The following HCFC1 variants were observed in gnomAD, a reference collection of about 807,000 sequenced individuals.
HCFC1 encodes host cell factor C1.
HCFC1 carries 7 observed loss-of-function variants against 105.5 expected under a neutral mutation model. That is an observed-to-expected ratio of 0.07 (90% confidence interval 0.04 to 0.12). HCFC1 has a LOEUF of 0.12. Among genes scored for constraint, HCFC1 ranks in the 10% least tolerant of loss-of-function variants. HCFC1 has a pLI of 1.00. For missense variants in HCFC1, 1,065 were observed against 1,823.6 expected, an observed-to-expected ratio of 0.58 and a Z score of 7.58; for synonymous variants, 918 against 828.1, an observed-to-expected ratio of 1.11 and a Z score of -1.86.
Position 153,953,607 on chromosome X carries a change from C to T in HCFC1, c.4497G>A (p.Pro1499=), listed in dbSNP as rs1416453975. The T allele has an allele frequency of 5.8e-6, 7 of 1,206,186 alleles. No individual in the cohort carries two copies. Among genetic ancestry groups the T allele is most frequent in the African/African-American group, 3.5e-5 (2 of 57,139 alleles). Residue 1499 remains proline, a splice_region_variant and synonymous_variant, in exon 18 of 26, where the codon CCG becomes CCA. Transcript: ENST00000310441. The stretch of plus-strand genomic sequence containing the variant: ...AGAACACGGCCCCCTGGGCTCTTAC[C>T]GGCACAGAGGGGCCCGGGACCGGTG... The part of the protein sequence containing the change: ...QSTPVPGPSV[P]PPEELQVSPG...
intron 23 of HCFC1, 116 bp from the exon 24 acceptor site, chrX:153,950,659 C>A (rs2065301660): frequency 4.6e-6 from 4 of 872,231 alleles, no homozygotes; most frequent in Non-Finnish European, 6.5e-6. Flanking sequence ...TGTGGTAGTT[C>A]AAGGAGCTTC....
chrX:153,951,553 G>A, intron 21 of HCFC1, 36 bp downstream of exon 21: 1 of 1,205,471 alleles, frequency 8.3e-7, no homozygotes, highest in Middle Eastern at 2.3e-4. Context: ...TGCCCCCCAG[G>A]CCACGGACTC....
At chrX:153,966,797 CT>C (rs1403603812) in intron 1 of HCFC1, among the ~76,000 whole-genome samples, 4 of 112,683 alleles carry the variant, frequency 3.5e-5, no homozygotes, top group African/African-American at 1.3e-4. Context: ...CCTCACTCCC[CT>C]GAGCACCCTC....
Position 153,956,361 on chromosome X carries a change from C to T in HCFC1, c.2686G>A (p.Gly896Arg). ...VTGTVSTSLA[G>R]AGGHSTSASL... ...GCACTAGTGCTGTGGCCCCCCGCCC[C>T]GGCAAGGCTGGTGGAGACGGTGCCT... Residue 896 changes from glycine to arginine, a missense_variant, in exon 16 of 26, where the codon GGG becomes AGG. Physicochemically the swap from Gly to Arg is moderately radical, Grantham distance 125. Coordinates refer to ENST00000310441, the MANE Select transcript of HCFC1 (RefSeq NM_005334.3). 3.3e-6 allele frequency: 4 copies of T among 1,212,080 alleles called. No homozygotes were observed. Among genetic ancestry groups the T allele is most frequent in the Non-Finnish European group, 4.5e-6 (4 of 895,529 alleles).
Position 153,960,158 on chromosome X carries a change from T to C in HCFC1, c.1088A>G (p.Lys363Arg). ...TTGTACTCGGGCTGGGGGTGGTGGC[T>C]TTTCTGTGGGAGAACGCAGTTGGTG... ...CKDLWYLETEKPPPPARVQLV... is the reference protein window; with the variant it reads ...CKDLWYLETERPPPPARVQLV... The change falls in exon 8 of 26, where the codon AAG becomes AGG. Residue 363 changes from lysine (K) to arginine (R), a missense_variant. Coordinates refer to ENST00000310441, the MANE Select transcript of HCFC1 (RefSeq NM_005334.3). The C allele has an allele frequency of 8.3e-7, 1 of 1,207,309 alleles. No homozygotes were observed. Among genetic ancestry groups the C allele is most frequent in the African/African-American group, 1.7e-5 (1 of 57,715 alleles).
At position 153,956,728 on chromosome X, in the gene HCFC1, G is replaced by A. The variant is rs782372754; in HGVS notation, c.2532C>T (p.Thr844=). 5.0e-6 allele frequency: 6 copies of A among 1,209,768 alleles called. No homozygotes were observed. Among genetic ancestry groups the A allele is most frequent in the Non-Finnish European group, 5.6e-6 (5 of 895,065 alleles). Reference sequence around the variant, plus strand: ...CCCCCATGGGCACAGTGCGGAGGATGGTGCCTGGCTGTCCCGGGGCCCCCT... The same window carrying A: ...CCCCCATGGGCACAGTGCGGAGGATAGTGCCTGGCTGTCCCGGGGCCCCCT... ...VLKGAPGQPG[T]ILRTVPMGGV... The change falls in exon 15 of 26, where the codon ACC becomes ACT. Residue 844 remains threonine (T), a synonymous_variant. Transcript: ENST00000310441.
intron 21 of HCFC1, 49 bp from the exon 22 acceptor site, chrX:153,951,536 G>A (rs1557112449): frequency 2.5e-6 from 3 of 1,206,965 alleles, no homozygotes; most frequent in East Asian, 3.0e-5. Context: ...GCACCTAGAG[G>A]CAGTGCTGCC....
At chrX:153,960,783 C>T (rs1473359602) in intron 6 of HCFC1, among the ~76,000 whole-genome samples, 1 of 112,479 alleles carries the variant, frequency 8.9e-6, no homozygotes, top group Admixed American at 9.4e-5. Context: ...TAAACTTCAA[C>T]CATCGGCGCC....
chrX:153,949,723 C>T, intron 24 of HCFC1, 107 bp from the exon 25 acceptor site: 1 of 740,166 alleles, frequency 1.4e-6, no homozygotes, highest in Non-Finnish European at 2.1e-6. Context: ...ATGGCATGAC[C>T]CGCAGCTGGC....
At chrX:153,953,228 T>C in intron 18 of HCFC1, 1 of 441,475 alleles carries the variant, frequency 2.3e-6, no homozygotes, top group South Asian at 3.4e-5. Context: ...CAGCCCATGT[T>C]AAATAGGGAG....
At position 153,966,976 on chromosome X, in the gene HCFC1, T is replaced by C. The variant is rs12556144; in HGVS notation, c.194-2250A>G. On this transcript the variant is annotated intron_variant, in intron 1 of 25. Coordinates refer to ENST00000310441, the MANE Select transcript of HCFC1 (RefSeq NM_005334.3). Reference sequence around the variant, plus strand: ...GGGGATCCCGCTCACCAGATCCTTCTACAGGACCCAAGAGGTGCTGATCTC... The same window carrying C: ...GGGGATCCCGCTCACCAGATCCTTCCACAGGACCCAAGAGGTGCTGATCTC... Among the ~76,000 whole-genome samples the C allele has an allele frequency of 1.9e-3, 216 of 112,204 alleles. 1 individual carries two copies. The highest frequency in any genetic ancestry group is 3.7e-3 in the Admixed American group (39 of 10,675).
chrX:153,957,630 T>A, intron 12 of HCFC1, 97 bp from the exon 13 acceptor site: 3 of 820,972 alleles, frequency 3.7e-6, no homozygotes, highest in Non-Finnish European at 5.3e-6. Context: ...GCTCAGGGAA[T>A]GTTCTGGAGG....
chrX:153,957,822 G>A lies in HCFC1; in HGVS notation c.2093C>T (p.Thr698Ile). The change falls in exon 12 of 26, where the codon ACA becomes ATA. Residue 698 changes from threonine (T) to isoleucine (I), a missense_variant. Around this residue, in one of 17 missense-constraint regions of HCFC1, gnomAD observed 137 missense variants for 378.2 expected, o/e 0.36. Transcript: ENST00000310441. ...QTKPVQTSAV[T>I]GQASTGPVTQ... The stretch of plus-strand genomic sequence containing the variant: ...CACAGGACCCGTGGACGCCTGGCCT[G>A]TGACTGCTGAAGTCTGAACTGGTTT... The A allele has an allele frequency of 8.3e-7, 1 of 1,210,767 alleles. No homozygotes were observed. The highest frequency in any genetic ancestry group is 1.1e-6 in the Non-Finnish European group (1 of 894,280).
intron 8 of HCFC1, 150 bp downstream of exon 8, chrX:153,959,652 T>A: frequency 1.1e-6 from 1 of 938,011 alleles, no homozygotes; most frequent in Non-Finnish European, 1.5e-6. Context: ...GGCCAGGCTT[T>A]AGCATCCCCC....
chrX:153,956,016 C>G (rs1252254465), intron 16 of HCFC1, among the ~76,000 whole-genome samples, 175 bp downstream of exon 16: 2 of 113,281 alleles, frequency 1.8e-5, no homozygotes, highest in African/African-American at 6.4e-5. Flanking sequence ...GACTATGACA[C>G]AGGGACCATG....
At chrX:153,950,789 C>A (rs782188423) in intron 23 of HCFC1, 24 bp downstream of exon 23, 2 of 1,199,843 alleles carry the variant, frequency 1.7e-6, no homozygotes, top group East Asian at 3.0e-5. Context: ...CAGGGACAGA[C>A]GGCCACCCCA....
chrX:153,957,272 G>A (rs1557115317), intron 13 of HCFC1, 42 bp downstream of exon 13: 2 of 1,097,894 alleles, frequency 1.8e-6, no homozygotes, highest in South Asian at 4.1e-5. Context: ...TTCCCCTCCA[G>A]TGAGGACTTG....
In HCFC1 at chrX:153,963,442, G is replaced by A. The variant is rs781961920; in HGVS notation, c.504-9C>T. On this transcript the variant is annotated splice_polypyrimidine_tract_variant and intron_variant, in intron 3 of 25. Transcript: ENST00000310441. ...ATAAGTCATTCAGGTACCTGACGAG[G>A]AAAGATCAGTTACGGCAAGTCTCGA... 8 of 1,176,894 alleles carry A rather than the reference G, an allele frequency of 6.8e-6. No homozygotes were observed. The Admixed American group carries it at 1.3e-4, about 19-fold the overall frequency.
chrX:153,964,038 C>G, intron 3 of HCFC1, 86 bp downstream of exon 3: 2 of 857,831 alleles, frequency 2.3e-6, no homozygotes, highest in Non-Finnish European at 3.2e-6. Flanking sequence ...GGCTCTGCTG[C>G]GCACATTCTT....
Sources: allele counts gnomAD v4.1 joint callset (sites outside exome capture counted in the v4.1 genomes callset), GRCh38; gene constraint gnomAD v4.1.1; regional missense constraint gnomAD v4.1.1; transcripts MANE v1.5; gene names NCBI Gene and HGNC (gene_info 2026-07-23, HGNC 2026-07-21).